Variants in ACOX1 observed in about 807,000 individuals in gnomAD.
ACOX1 encodes peroxisomal acyl-coenzyme A oxidase 1.
In ACOX1, 41 loss-of-function variants were observed where a neutral mutation model predicts 75.5. The ratio of observed to expected loss-of-function variants is 0.54; its 90% CI spans 0.42 to 0.70. The LOEUF is 0.70. ACOX1 is among the 30% of genes least tolerant of loss of function. The probability of loss-of-function intolerance (pLI) is 0.00; values close to 1 mark genes in which losing one functional copy is unlikely to be tolerated. For missense variants in ACOX1, 630 were observed against 837.5 expected, an observed-to-expected ratio of 0.75 and a Z score of 3.06; for synonymous variants, 303 against 298.8, an observed-to-expected ratio of 1.01 and a Z score of -0.15.
At chr17:75,948,530 C>T in intron 12 of ACOX1, 73 bp from the exon 13 acceptor site, 1 of 1,250,918 alleles carries the variant, frequency 8.0e-7, no homozygotes, top group Non-Finnish European at 1.1e-6. Context: ...GCATATACAG[C>T]TATAAAGCGG....
intron 2 of ACOX1, among the ~76,000 whole-genome samples, chr17:75,970,000 C>T (rs530610272): frequency 1.3e-4 from 20 of 151,882 alleles, no homozygotes; most frequent in Non-Finnish European, 2.4e-4. Context: ...GCCTGGCCAA[C>T]ATGGTGAAAC....
chr17:75,953,224 TTC>T, intron 7 of ACOX1: 1 of 451,968 alleles, frequency 2.2e-6, no homozygotes, highest in South Asian at 2.2e-5. Context: ...AAGGTGGGTA[TTC>T]TCTTTTTTTC....
chr17:75,964,017 C>T (rs1028897934), intron 2 of ACOX1, among the ~76,000 whole-genome samples: 2 of 151,770 alleles, frequency 1.3e-5, no homozygotes, highest in African/African-American at 4.8e-5. Context: ...AACCCCATCT[C>T]TACTAAAAAT....
chr17:75,960,426 G>A lies in ACOX1; in HGVS notation c.270-51C>T, dbSNP rs1287152364. On this transcript the variant is annotated intron_variant, in intron 2 of 13. Transcript: ENST00000293217. The surrounding 1 kb of genome is among the most constrained non-coding windows in gnomAD (Gnocchi z 4.4). ...ATTTGAGAGAAGAGTCATCAGGTGT[G>A]AGAGAATCAGCAATTTAAATAGAGC... The A allele has an allele frequency of 6.3e-7, 1 of 1,585,546 alleles. No homozygotes were observed. The highest frequency in any genetic ancestry group is 1.3e-5 in the African/African-American group (1 of 74,486).
At position 75,960,986 on chromosome 17, in the gene ACOX1, AT is replaced by A. The variant is rs200642865; in HGVS notation, c.270-612del. ...AGAGTGAGACTCTGTCTCAAAAAAA[AT>A]AAATAAATAAATAAGAGAGAATTGG... On this transcript the variant is annotated intron_variant, in intron 2 of 13. Coordinates refer to ENST00000293217, the MANE Select transcript of ACOX1 (RefSeq NM_004035.7). This position sits in a 1 kb window ranked among gnomAD's most constrained non-coding sequence, Gnocchi z 4.4. Among the ~76,000 whole-genome samples the A allele has an allele frequency of 2.9e-4, 44 of 151,894 alleles. No homozygotes were observed. The highest frequency in any genetic ancestry group is 1.1e-3 in the Admixed American group (17 of 15,226).
intron 5 of ACOX1, 54 bp downstream of exon 5, chr17:75,955,774 A>G: frequency 6.2e-7 from 1 of 1,613,822 alleles, no homozygotes; most frequent in Non-Finnish European, 8.5e-7. Context: ...TACCTTTTGC[A>G]GAAGAAAGTG....
chr17:75,971,214 C>T (rs2065990663), intron 2 of ACOX1, among the ~76,000 whole-genome samples: 1 of 151,386 alleles, frequency 6.6e-6, no homozygotes, highest in African/African-American at 2.4e-5. Context: ...TCACTTGAAC[C>T]TGGGAGGCGG....
chr17:75,955,600 A>C lies in ACOX1; in HGVS notation c.740T>G (p.Ile247Ser), dbSNP rs2065816901. ...CTTCATCAGCATGTTTTCTCTGGGA[A>C]TACGATGGTTGTCCATTTTGAGGTA... ...NGYLKMDNHR[I>S]PRENMLMKYA... Residue 247 changes from isoleucine to serine, a missense_variant, in exon 6 of 14, where the codon ATT becomes AGT. Physicochemically the swap from Ile to Ser is moderately radical, Grantham distance 142. This residue lies in a region of ACOX1 where 390 missense variants were observed against 574.9 expected (regional missense o/e 0.68). Coordinates refer to ENST00000293217, the MANE Select transcript of ACOX1 (RefSeq NM_004035.7). The C allele has an allele frequency of 6.2e-7, 1 of 1,614,046 alleles. No individual in the cohort carries two copies. The highest frequency in any genetic ancestry group is 1.3e-5 in the African/African-American group (1 of 74,920).
chr17:75,959,382 A>T (rs1199829369), intron 3 of ACOX1, among the ~76,000 whole-genome samples: 1 of 152,248 alleles, frequency 6.6e-6, no homozygotes, highest in African/African-American at 2.4e-5. Context: ...TTGGAGTCTC[A>T]TGAAAATCCT....
chr17:75,948,861 TC>T (rs1316380880), intron 12 of ACOX1, among the ~76,000 whole-genome samples: 1 of 150,564 alleles, frequency 6.6e-6, no homozygotes, highest in African/African-American at 2.5e-5. Context: ...TTTTTCTTTT[TC>T]TTTTTTTTTT....
At position 75,946,583 on chromosome 17, in the gene ACOX1, T is replaced by A. The variant is rs1385767881; in HGVS notation, c.*165A>T. Reference sequence around the variant, plus strand: ...GTTAATTGCACTTAAAACATCTGCTTTTTTTCATTTAATCTCTGAAATCTG... The same window carrying A: ...GTTAATTGCACTTAAAACATCTGCTATTTTTCATTTAATCTCTGAAATCTG... On this transcript the variant is annotated 3_prime_UTR_variant, in exon 14 of 14. Transcript: ENST00000293217. The A allele has an allele frequency of 1.5e-6, 1 of 672,806 alleles. No individual in the cohort carries two copies. The highest frequency in any genetic ancestry group is 2.7e-6 in the Non-Finnish European group (1 of 376,212). The allele number at this position is 672,806 out of a possible 1,614,324, so 41.7% of individuals were successfully genotyped here. A position where few individuals can be genotyped will look rare whatever the true frequency, so the allele number is the denominator to read the frequency against.
intron 2 of ACOX1, among the ~76,000 whole-genome samples, chr17:75,969,960 A>AG (rs2065977340): frequency 6.6e-6 from 1 of 151,974 alleles, no homozygotes; most frequent in Non-Finnish European, 1.5e-5. Context: ...CGAGGTGGGC[A>AG]GATCGCCTGA....
intron 12 of ACOX1, among the ~76,000 whole-genome samples, chr17:75,948,768 G>T (rs2065745718): frequency 6.6e-6 from 1 of 151,550 alleles, no homozygotes; most frequent in Non-Finnish European, 1.5e-5. Context: ...TGGTCAGGCT[G>T]GTCTCGAACT....
intron 2 of ACOX1, among the ~76,000 whole-genome samples, chr17:75,966,544 C>T (rs993719347): frequency 2.0e-5 from 3 of 151,984 alleles, no homozygotes; most frequent in Non-Finnish European, 4.4e-5. Flanking sequence ...TGGCTCACGC[C>T]TGTAATCCCA....
chr17:75,970,054 G>A (rs2065978459), intron 2 of ACOX1, among the ~76,000 whole-genome samples: 4 of 151,808 alleles, frequency 2.6e-5, no homozygotes, highest in Admixed American at 2.6e-4. Flanking sequence ...GTATGGTGGT[G>A]CACACCTGTG....
At position 75,978,497 on chromosome 17, in the gene ACOX1, G is replaced by A. The variant is rs1355158890; in HGVS notation, c.269+37C>T. The A allele has an allele frequency of 1.2e-6, 2 of 1,613,388 alleles. No homozygotes were observed. Among genetic ancestry groups the A allele is most frequent in the Non-Finnish European group, 1.7e-6 (2 of 1,179,406 alleles). On this transcript the variant is annotated intron_variant, in intron 2 of 13. Coordinates refer to ENST00000293217, the MANE Select transcript of ACOX1 (RefSeq NM_004035.7). This position sits in a 1 kb window ranked among gnomAD's most constrained non-coding sequence, Gnocchi z 4.2. ...CATAGACCGCAGCTGTAAAGTTTAG[G>A]CTTAACAACACTTGCTCTGTTCTAA...
intron 7 of ACOX1, among the ~76,000 whole-genome samples, chr17:75,952,538 C>T (rs1407808231): frequency 6.6e-6 from 1 of 152,090 alleles, no homozygotes; most frequent in South Asian, 2.1e-4. Flanking sequence ...AAGTGATCCA[C>T]CCGCTTTGGC....
intron 2 of ACOX1, among the ~76,000 whole-genome samples, chr17:75,961,230 T>C (rs1167489107): frequency 6.7e-6 from 1 of 149,562 alleles, no homozygotes; most frequent in Non-Finnish European, 1.5e-5. Flanking sequence ...GAGGCAGAGG[T>C]TGCAGTGAGC....
Position 75,953,547 on chromosome 17 carries a change from G to T in ACOX1, c.848C>A (p.Ser283Tyr). The change falls in exon 7 of 14, where the codon TCC (serine) becomes TAC (tyrosine). Residue 283 changes from serine (S) to tyrosine (Y), a missense_variant. Ser to Tyr is a moderately radical substitution (Grantham distance 144). Transcript: ENST00000293217. Reference protein sequence around the residue: ...LTYGTMVFVRSFLVGEAARAL... With the variant: ...LTYGTMVFVRYFLVGEAARAL... ...CCGAGCAGCTTCTCCCACAAGGAAG[G>T]ACCTGACAAACACCATGGTCCCGTA... The T allele has an allele frequency of 6.2e-7, 1 of 1,614,160 alleles. No individual in the cohort carries two copies. The highest frequency in any genetic ancestry group is 8.5e-7 in the Non-Finnish European group (1 of 1,180,012).
Sources: gnomAD v4.1 joint callset for allele counts (sites outside exome capture counted in the v4.1 genomes callset) on GRCh38, gnomAD v4.1.1 for gene constraint, gnomAD v4.1.1 regional missense constraint, Gnocchi (gnomAD v3.1) non-coding constraint, MANE v1.5 for transcripts, NCBI Gene and HGNC (gene_info 2026-07-23, HGNC 2026-07-21) for gene names.